The following FKBP5 variants were observed in gnomAD, a reference collection of about 807,000 sequenced individuals.
FKBP5 encodes FKBP prolyl isomerase 5.
In FKBP5, 23 loss-of-function variants were observed where a neutral mutation model predicts 50.5. That is an observed-to-expected ratio of 0.46 (90% confidence interval 0.33 to 0.65). The LOEUF (loss-of-function observed/expected upper bound fraction) is 0.65, where lower values mean the gene tolerates loss of function less well. Among genes scored for constraint, FKBP5 ranks in the 30% least tolerant of loss-of-function variants. The pLI is 0.02. For missense variants in FKBP5, 411 were observed against 553.1 expected, an observed-to-expected ratio of 0.74 and a Z score of 2.58; for synonymous variants, 176 against 190.6, an observed-to-expected ratio of 0.92 and a Z score of 0.63.
chr6:35,622,508 C>T (rs1561862591), intron 3 of FKBP5, among the ~76,000 whole-genome samples: 4 of 149,842 alleles, frequency 2.7e-5, no homozygotes, highest in Admixed American at 2.0e-4. Flanking sequence ...GAGACCCTGT[C>T]TCTTAAAAAA....
intron 7 of FKBP5, among the ~76,000 whole-genome samples, chr6:35,590,801 T>C (rs1762794300): frequency 1.3e-5 from 2 of 151,456 alleles, no homozygotes; most frequent in South Asian, 4.1e-4. Context: ...TGAACCTTTC[T>C]GTCCTCAACC....
chr6:35,578,941 C>T (rs566188428), intron 9 of FKBP5, among the ~76,000 whole-genome samples: 1 of 151,498 alleles, frequency 6.6e-6, no homozygotes, highest in African/African-American at 2.4e-5. Flanking sequence ...GGAAGACCCC[C>T]ATCTCTACAA....
At chr6:35,598,203 A>C (rs1295559392) in intron 5 of FKBP5, among the ~76,000 whole-genome samples, 1 of 152,162 alleles carries the variant, frequency 6.6e-6, no homozygotes, top group African/African-American at 2.4e-5. Flanking sequence ...AAATGCATAC[A>C]GATATCTATT....
At chr6:35,630,845 A>C (rs1764132670) in intron 3 of FKBP5, among the ~76,000 whole-genome samples, 1 of 152,244 alleles carries the variant, frequency 6.6e-6, no homozygotes, top group African/African-American at 2.4e-5. Flanking sequence ...AAGCTGACTT[A>C]ATCAGAAGTA....
At chr6:35,608,587 T>A (rs1455259284) in intron 5 of FKBP5, among the ~76,000 whole-genome samples, 1 of 152,088 alleles carries the variant, frequency 6.6e-6, no homozygotes, top group African/African-American at 2.4e-5. Flanking sequence ...CTCCGGTGGC[T>A]GAGGTGGGAG....
rs567946584 is a variant in FKBP5, at chr6:35,621,367, A to T, written c.251-1093T>A. Among the ~76,000 whole-genome samples the T allele has an allele frequency of 4.2e-4, 64 of 152,310 alleles. 1 individual carries two copies. In the Middle Eastern group the frequency reaches 0.01, roughly 24 times the overall value. ...GTGGGGCATGGTGGCTCACGCCTGTAATCCCAGAACTTTGGGAGGCCAAGA... is the reference window on the plus strand; with the variant it reads ...GTGGGGCATGGTGGCTCACGCCTGTTATCCCAGAACTTTGGGAGGCCAAGA... On this transcript the variant is annotated intron_variant, in intron 3 of 10. Transcript: ENST00000357266.
At chr6:35,585,992 C>T in intron 8 of FKBP5, 7 of 985,182 alleles carry the variant, frequency 7.1e-6, no homozygotes, top group Non-Finnish European at 8.4e-6. Flanking sequence ...GCAGATGCCC[C>T]ATAAAGACTT....
chr6:35,650,486 T>A (rs1229047323), intron 1 of FKBP5, among the ~76,000 whole-genome samples: 3 of 151,932 alleles, frequency 2.0e-5, no homozygotes, highest in African/African-American at 4.8e-5. Context: ...TTTTTTTAAA[T>A]TTTTTGAGAC....
chr6:35,601,531 C>T (rs932429249), intron 5 of FKBP5, among the ~76,000 whole-genome samples: 2 of 152,212 alleles, frequency 1.3e-5, no homozygotes, highest in Non-Finnish European at 2.9e-5. Context: ...AGCCTAGCTC[C>T]TATAGCTCCA....
chr6:35,656,666 G>T (rs1764957468), intron 1 of FKBP5, among the ~76,000 whole-genome samples: 1 of 152,108 alleles, frequency 6.6e-6, no homozygotes, highest in Admixed American at 6.6e-5. Flanking sequence ...GAGGCAGGTG[G>T]ATCACTTGAG....
intron 1 of FKBP5, among the ~76,000 whole-genome samples, chr6:35,663,871 GA>G (rs1371853174): frequency 6.6e-6 from 1 of 152,190 alleles, no homozygotes; most frequent in Non-Finnish European, 1.5e-5. Context: ...CTCCTTACTA[GA>G]ATGTAAGCTC....
At chr6:35,610,169 G>A (rs762802440) in intron 5 of FKBP5, among the ~76,000 whole-genome samples, 1 of 152,104 alleles carries the variant, frequency 6.6e-6, no homozygotes, top group African/African-American at 2.4e-5. Context: ...CTATGAGCTG[G>A]GCATGATGGG....
chr6:35,664,239 C>A (rs1334554096), intron 1 of FKBP5, among the ~76,000 whole-genome samples: 1 of 151,892 alleles, frequency 6.6e-6, no homozygotes, highest in Non-Finnish European at 1.5e-5. Context: ...TTTAAATAAT[C>A]AATTAAAATG....
intron 2 of FKBP5, among the ~76,000 whole-genome samples, chr6:35,693,978 C>G (rs927972353): frequency 1.3e-4 from 19 of 151,958 alleles, no homozygotes; most frequent in African/African-American, 4.4e-4. Context: ...GAATCTGCTT[C>G]CATTGTCAAA....
intron 1 of FKBP5, among the ~76,000 whole-genome samples, chr6:35,685,975 G>A (rs1259475325): frequency 1.3e-4 from 12 of 89,342 alleles, no homozygotes; most frequent in Non-Finnish European, 2.0e-4. Flanking sequence ...AGAGCAAAAC[G>A]CCATCTCAAA....
At chr6:35,709,462 G>A (rs916500753) in intron 2 of FKBP5, among the ~76,000 whole-genome samples, 1 of 152,164 alleles carries the variant, frequency 6.6e-6, no homozygotes, top group East Asian at 1.9e-4. Flanking sequence ...GTTCGCATAT[G>A]GGCAACATTT....
At chr6:35,648,749 G>C (rs1174194611) in intron 1 of FKBP5, among the ~76,000 whole-genome samples, 1 of 152,088 alleles carries the variant, frequency 6.6e-6, no homozygotes, top group Non-Finnish European at 1.5e-5. Context: ...AGGAGTTTGA[G>C]ACAAGCCTGG....
intron 2 of FKBP5, among the ~76,000 whole-genome samples, chr6:35,712,106 CTGGGCTCAAGCAATCCTCCCGCCTCAG>C: frequency 6.6e-6 from 1 of 151,162 alleles, no homozygotes; most frequent in African/African-American, 2.4e-5. Context: ...CCTCAAACTT[CTGGGCTCAAGCAATCCTCCCGCCTCAG>C]CCTCCCAAAG....
intron 3 of FKBP5, among the ~76,000 whole-genome samples, chr6:35,621,731 C>T (rs1221683920): frequency 6.6e-6 from 1 of 152,102 alleles, no homozygotes; most frequent in African/African-American, 2.4e-5. Flanking sequence ...GCTGTAATCC[C>T]AGCACTTTGG....
Sources: gnomAD v4.1 joint callset for allele counts (sites outside exome capture counted in the v4.1 genomes callset) on GRCh38, gnomAD v4.1.1 for gene constraint, MANE v1.5 for transcripts, NCBI Gene and HGNC (gene_info 2026-07-23, HGNC 2026-07-21) for gene names.